Variants in PTPRD observed in about 807,000 individuals in gnomAD.
PTPRD encodes receptor-type tyrosine-protein phosphatase delta.
A neutral mutation model predicts 214.5 loss-of-function variants in PTPRD; 34 were observed. The ratio of observed to expected loss-of-function variants is 0.16; its 90% CI spans 0.12 to 0.21. The LOEUF is 0.21. PTPRD is among the 10% of genes least tolerant of loss of function. The pLI is 1.00. For synonymous variants in PTPRD, 1,128 were observed against 845.7 expected, an observed-to-expected ratio of 1.33 and a Z score of -5.79; for missense variants, 2,545 against 2,398.7, an observed-to-expected ratio of 1.06 and a Z score of -1.27.
At chr9:9,922,174 C>G (rs1158943937) in intron 5 of PTPRD, among the ~76,000 whole-genome samples, 2 of 152,054 alleles carry the variant, frequency 1.3e-5, no homozygotes, top group Non-Finnish European at 2.9e-5. Flanking sequence ...TTAGAAGGCA[C>G]GAATGAACTG....
chr9:10,172,343 G>A (rs892526963), intron 3 of PTPRD, among the ~76,000 whole-genome samples: 7 of 152,060 alleles, frequency 4.6e-5, no homozygotes, highest in African/African-American at 1.4e-4. Context: ...CAGAGATCCT[G>A]TAAGAATAAT....
intron 3 of PTPRD, among the ~76,000 whole-genome samples, chr9:10,088,776 G>C (rs2098391707): frequency 1.3e-5 from 2 of 151,636 alleles, no homozygotes; most frequent in South Asian, 4.1e-4. Context: ...ACATAAGCTG[G>C]CCAGCATAAT....
At chr9:9,683,750 A>G (rs2097117850) in intron 7 of PTPRD, among the ~76,000 whole-genome samples, 1 of 151,808 alleles carries the variant, frequency 6.6e-6, no homozygotes, top group African/African-American at 2.4e-5. Context: ...ACCTAGTGTT[A>G]TTAAAATAGC....
At chr9:10,561,908 T>C (rs2064078365) in intron 2 of PTPRD, among the ~76,000 whole-genome samples, 1 of 152,178 alleles carries the variant, frequency 6.6e-6, no homozygotes, top group African/African-American at 2.4e-5. Flanking sequence ...TAAATAAGTA[T>C]GTATTTTATG....
intron 2 of PTPRD, among the ~76,000 whole-genome samples, chr9:10,484,689 A>AT (rs1245329861): frequency 6.6e-6 from 1 of 151,716 alleles, no homozygotes; most frequent in Admixed American, 6.6e-5. Flanking sequence ...ATCTATTTAG[A>AT]TTTTTTGCTC....
chr9:9,028,436 A>C (rs1235360303), intron 10 of PTPRD, among the ~76,000 whole-genome samples: 1 of 152,020 alleles, frequency 6.6e-6, no homozygotes, highest in African/African-American at 2.4e-5. Context: ...CTTCTAAAAC[A>C]GGAATGTATT....
chr9:9,277,705 C>A (rs1177230104), intron 9 of PTPRD, among the ~76,000 whole-genome samples: 1 of 151,224 alleles, frequency 6.6e-6, no homozygotes, highest in Non-Finnish European at 1.5e-5. Flanking sequence ...GATGGATTTG[C>A]TAATTACTTT....
chr9:9,754,555 T>C (rs113628886), intron 6 of PTPRD, among the ~76,000 whole-genome samples: 1,920 of 152,136 alleles, frequency 0.013, 25 homozygotes, highest in African/African-American at 0.029. Flanking sequence ...CTTTGAGACA[T>C]TTTATTAACA....
intron 3 of PTPRD, among the ~76,000 whole-genome samples, chr9:10,339,965 G>T (rs912131253): frequency 6.6e-6 from 1 of 151,634 alleles, no homozygotes; most frequent in Non-Finnish European, 1.5e-5. Context: ...CTTTGATTTA[G>T]CATATGCCAT....
At chr9:8,751,451 T>A (rs1713901350) in intron 11 of PTPRD, among the ~76,000 whole-genome samples, 1 of 152,176 alleles carries the variant, frequency 6.6e-6, no homozygotes, top group Non-Finnish European at 1.5e-5. Flanking sequence ...TTCTGAAGTT[T>A]TGTAGATCAA....
intron 35 of PTPRD, among the ~76,000 whole-genome samples, chr9:8,431,500 G>A (rs559548880): frequency 2.6e-5 from 4 of 152,288 alleles, no homozygotes; most frequent in Admixed American, 2.6e-4. Flanking sequence ...AGGGGCTGCA[G>A]TTGCTTACGA....
chr9:8,561,255 A>G (rs2086190344), intron 14 of PTPRD, among the ~76,000 whole-genome samples: 1 of 151,996 alleles, frequency 6.6e-6, no homozygotes, highest in Admixed American at 6.6e-5. Context: ...CAATCAGCAC[A>G]TACTCCTCAT....
chr9:9,295,714 G>C (rs1402177901), intron 9 of PTPRD, among the ~76,000 whole-genome samples: 1 of 151,728 alleles, frequency 6.6e-6, no homozygotes, highest in African/African-American at 2.4e-5. Context: ...AAAAACACTA[G>C]GTTTACTTCA....
At chr9:9,037,328 TAA>T (rs1196569643) in intron 10 of PTPRD, among the ~76,000 whole-genome samples, 3 of 152,072 alleles carry the variant, frequency 2.0e-5, no homozygotes, top group Non-Finnish European at 4.4e-5. Context: ...TTTAATCCTA[TAA>T]AGAGTCTGAG....
chr9:9,925,425 T>C (rs2083930926), intron 5 of PTPRD, among the ~76,000 whole-genome samples: 1 of 152,138 alleles, frequency 6.6e-6, no homozygotes, highest in Non-Finnish European at 1.5e-5. Flanking sequence ...AGGTCTTACA[T>C]ACAGGACCTT....
intron 5 of PTPRD, among the ~76,000 whole-genome samples, chr9:9,834,345 G>T (rs904758306): frequency 1.3e-5 from 2 of 151,966 alleles, no homozygotes; most frequent in South Asian, 4.1e-4. Context: ...AAAAAGCCCA[G>T]ATCTACCATG....
At chr9:8,362,810 G>A (rs1316406409) in intron 39 of PTPRD, among the ~76,000 whole-genome samples, 2 of 152,146 alleles carry the variant, frequency 1.3e-5, no homozygotes, top group Non-Finnish European at 2.9e-5. Context: ...TCAAGTGAGT[G>A]ACTTGCACAA....
intron 8 of PTPRD, among the ~76,000 whole-genome samples, chr9:9,472,265 G>A (rs1260724468): frequency 2.1e-5 from 3 of 141,058 alleles, no homozygotes; most frequent in African/African-American, 5.3e-5. Flanking sequence ...CCGCAGTGGC[G>A]CAATCTCGGC....
At chr9:9,696,524 C>T (rs953265500) in intron 7 of PTPRD, among the ~76,000 whole-genome samples, 1 of 152,084 alleles carries the variant, frequency 6.6e-6, no homozygotes, top group Non-Finnish European at 1.5e-5. Context: ...TATATCCTTT[C>T]ATGGGACTCA....
Sources: gnomAD v4.1 joint callset for allele counts (sites outside exome capture counted in the v4.1 genomes callset) on GRCh38, gnomAD v4.1.1 for gene constraint, MANE v1.5 for transcripts, NCBI Gene and HGNC (gene_info 2026-07-23, HGNC 2026-07-21) for gene names.